THSD7A: variants seen among roughly 807,000 people sequenced by gnomAD.
THSD7A encodes thrombospondin type-1 domain-containing protein 7A.
In THSD7A, 96 loss-of-function variants were observed where a neutral mutation model predicts 231.3. The ratio of observed to expected loss-of-function variants is 0.41; its 90% CI spans 0.35 to 0.49. The LOEUF (loss-of-function observed/expected upper bound fraction) is 0.49, where lower values mean the gene tolerates loss of function less well. THSD7A is among the 20% of genes least tolerant of loss of function. The probability of loss-of-function intolerance (pLI) is 0.05; values close to 1 mark genes in which losing one functional copy is unlikely to be tolerated. For missense variants in THSD7A, 2,290 were observed against 2,070.2 expected, an observed-to-expected ratio of 1.11 and a Z score of -2.06; for synonymous variants, 940 against 743.3, an observed-to-expected ratio of 1.26 and a Z score of -4.30.
intron 6 of THSD7A, 70 bp from the exon 7 acceptor site, chr7:11,482,052 G>A (rs1446695183): frequency 1.1e-5 from 16 of 1,435,708 alleles, no homozygotes; most frequent in South Asian, 1.4e-5. Context: ...TAAACCAGAT[G>A]GGCACCCAGA....
intron 6 of THSD7A, among the ~76,000 whole-genome samples, chr7:11,522,334 C>T (rs940555333): frequency 6.6e-6 from 1 of 152,100 alleles, no homozygotes; most frequent in African/African-American, 2.4e-5. Context: ...GTAACTTTCA[C>T]CTAATTAGGA....
At chr7:11,501,873 A>C (rs1178614893) in intron 6 of THSD7A, among the ~76,000 whole-genome samples, 2 of 152,184 alleles carry the variant, frequency 1.3e-5, no homozygotes, top group African/African-American at 4.8e-5. Context: ...GTAATAAAAT[A>C]GTTTAGCCAC....
chr7:11,448,439 C>T (rs1333730623), intron 11 of THSD7A, among the ~76,000 whole-genome samples: 2 of 152,114 alleles, frequency 1.3e-5, no homozygotes, highest in Admixed American at 1.3e-4. Context: ...ACTGAATTAT[C>T]TTAAATGGCC....
rs111247070 is a variant in THSD7A at position 11,501,939 on chromosome 7, G to A, written c.1823-19957C>T. On this transcript the variant is annotated intron_variant, in intron 6 of 27. Coordinates refer to ENST00000423059, the MANE Select transcript of THSD7A (RefSeq NM_015204.3). The stretch of plus-strand genomic sequence containing the variant: ...AATAAACCCAATTAGAAATGATGAA[G>A]GGAATGTTACCACTGATCCCACAGA... Among the ~76,000 whole-genome samples, 940 of 151,886 alleles carry A rather than the reference G, an allele frequency of 6.2e-3. 9 individuals are homozygous for A. Among genetic ancestry groups the A allele is most frequent in the African/African-American group, 0.021 (889 of 41,430 alleles).
intron 1 of THSD7A, among the ~76,000 whole-genome samples, chr7:11,761,747 T>A (rs1323950848): frequency 6.6e-6 from 1 of 152,088 alleles, no homozygotes; most frequent in Non-Finnish European, 1.5e-5. Flanking sequence ...ATTCCTTTCT[T>A]TCTTTCTTTA....
At chr7:11,540,339 G>C (rs181636632) in intron 6 of THSD7A, among the ~76,000 whole-genome samples, 11 of 152,316 alleles carry the variant, frequency 7.2e-5, no homozygotes, top group Admixed American at 4.6e-4. Flanking sequence ...AGCAGTGTCT[G>C]TCAGTCTCCC....
chr7:11,666,891 A>G (rs1783156131), intron 1 of THSD7A, among the ~76,000 whole-genome samples: 2 of 152,010 alleles, frequency 1.3e-5, no homozygotes, highest in Non-Finnish European at 2.9e-5. Flanking sequence ...ATTTAAAAAT[A>G]TTTTTCTGAT....
At chr7:11,588,207 A>T (rs1407634872) in intron 4 of THSD7A, among the ~76,000 whole-genome samples, 1 of 152,170 alleles carries the variant, frequency 6.6e-6, no homozygotes, top group Non-Finnish European at 1.5e-5. Context: ...ATTGTTCTCC[A>T]TTCACACATA....
chr7:11,801,021 G>A (rs2128181347), intron 1 of THSD7A, among the ~76,000 whole-genome samples: 1 of 152,188 alleles, frequency 6.6e-6, no homozygotes, highest in South Asian at 2.1e-4. Flanking sequence ...ATATGTATTG[G>A]CCAGATGTGA....
In THSD7A at chr7:11,593,238, T is replaced by C. The variant is rs374400825; in HGVS notation, c.1271+16A>G. 4.3e-6 allele frequency: 7 copies of C among 1,613,124 alleles called. No homozygotes were observed. Among genetic ancestry groups the C allele is most frequent in the Non-Finnish European group, 5.9e-6 (7 of 1,179,800 alleles). ...TGTAGTTTCGGCAGACGCTATACCC[T>C]TCTTTATTTACTCACGTGGCACAGG... On this transcript the variant is annotated intron_variant, in intron 3 of 27. Coordinates refer to ENST00000423059, the MANE Select transcript of THSD7A (RefSeq NM_015204.3).
intron 1 of THSD7A, among the ~76,000 whole-genome samples, chr7:11,768,005 T>C (rs768255052): frequency 6.6e-6 from 1 of 152,204 alleles, no homozygotes; most frequent in Non-Finnish European, 1.5e-5. Context: ...ATTCTTTAAA[T>C]ATCCTGTAAT....
intron 9 of THSD7A, among the ~76,000 whole-genome samples, chr7:11,463,045 C>G (rs530255560): frequency 1.3e-5 from 2 of 152,216 alleles, no homozygotes; most frequent in East Asian, 3.9e-4. Flanking sequence ...TAATAGAATC[C>G]TCCTGATGCA....
chr7:11,796,778 A>C (rs1784137745), intron 1 of THSD7A, among the ~76,000 whole-genome samples: 1 of 152,034 alleles, frequency 6.6e-6, no homozygotes, highest in Non-Finnish European at 1.5e-5. Context: ...CATTAATGTT[A>C]ATGTTTTTTA....
At chr7:11,582,153 T>C (rs1791193650) in intron 4 of THSD7A, among the ~76,000 whole-genome samples, 1 of 152,038 alleles carries the variant, frequency 6.6e-6, no homozygotes, top group South Asian at 2.1e-4. Context: ...AGTACTTCTA[T>C]TAAATTGATT....
chr7:11,482,636 T>G (rs1381615569), intron 6 of THSD7A, among the ~76,000 whole-genome samples: 1 of 152,158 alleles, frequency 6.6e-6, no homozygotes, highest in African/African-American at 2.4e-5. Context: ...GTGATGTCAC[T>G]CCAGTGCTTA....
At chr7:11,571,692 A>C (rs746220305) in intron 4 of THSD7A, among the ~76,000 whole-genome samples, 4 of 152,050 alleles carry the variant, frequency 2.6e-5, no homozygotes, top group Admixed American at 6.5e-5. Context: ...ATTTTCACCA[A>C]ATGTAGTCGT....
intron 1 of THSD7A, among the ~76,000 whole-genome samples, chr7:11,731,515 T>A (rs1358823103): frequency 6.6e-6 from 1 of 151,688 alleles, no homozygotes; most frequent in Non-Finnish European, 1.5e-5. Context: ...TATGGTAGAT[T>A]GTTAACGTCA....
chr7:11,769,149 A>ATTTTTTTTTTTTTT (rs1245740094), intron 1 of THSD7A, among the ~76,000 whole-genome samples: 2 of 36,308 alleles, frequency 5.5e-5, no homozygotes, highest in Non-Finnish European at 1.2e-4. Context: ...ATATATATAT[A>ATTTTTTTTTTTTTT]TATATTTTTT....
At chr7:11,731,522 G>A (rs188645920) in intron 1 of THSD7A, among the ~76,000 whole-genome samples, 20 of 151,684 alleles carry the variant, frequency 1.3e-4, no homozygotes, top group African/African-American at 3.9e-4. Context: ...GATTGTTAAC[G>A]TCAATTGCTT....
Sources: allele counts gnomAD v4.1 joint callset (sites outside exome capture counted in the v4.1 genomes callset), GRCh38; gene constraint gnomAD v4.1.1; transcripts MANE v1.5; gene names NCBI Gene and HGNC (gene_info 2026-07-23, HGNC 2026-07-21).